Variants in OR4E2 observed in about 807,000 individuals in gnomAD.
OR4E2 encodes olfactory receptor 4E2.
OR4E2 carries 9 observed loss-of-function variants against 11.0 expected under a neutral mutation model. That is an observed-to-expected ratio of 0.82 (90% CI 0.49 to 1.43). The LOEUF is 1.43. OR4E2 is among the 40% of genes most tolerant of loss of function. The probability of loss-of-function intolerance (pLI) is 0.00; values close to 1 mark genes in which losing one functional copy is unlikely to be tolerated. For synonymous variants in OR4E2, 159 were observed against 147.3 expected, an observed-to-expected ratio of 1.08 and a Z score of -0.57; for missense variants, 441 against 382.0, an observed-to-expected ratio of 1.15 and a Z score of -1.29.
At position 21,665,320 on chromosome 14, in the gene OR4E2, A is replaced by C. The variant is rs1219628980; in HGVS notation, c.238A>C (p.Lys80Gln). 6.2e-7 allele frequency: 1 copy of C among 1,614,128 alleles called. No individual in the cohort carries two copies. Among genetic ancestry groups the C allele is most frequent in the South Asian group, 1.1e-5 (1 of 91,080 alleles). Reference protein sequence around the residue: ...DICHSSVTVPKMLEGLLLERK... With the variant: ...DICHSSVTVPQMLEGLLLERK... The stretch of plus-strand genomic sequence containing the variant: ...CTGCCACTCATCTGTCACTGTGCCT[A>C]AGATGTTGGAGGGTTTGCTTTTAGA... The change falls in exon 4 of 4, where the codon AAG becomes CAG. Residue 80 changes from lysine to glutamine, a missense_variant. Lys to Gln is a moderately conservative substitution (Grantham distance 53). Coordinates refer to ENST00000641524, the MANE Select transcript of OR4E2 (RefSeq NM_001001912.3).
intron 1 of OR4E2, among the ~76,000 whole-genome samples, chr14:21,654,427 CTGCATGCACACACA>C (rs942417388): frequency 4.1e-5 from 6 of 147,538 alleles, no homozygotes; most frequent in Non-Finnish European, 6.0e-5. Context: ...CACACACACG[CTGCATGCACACACA>C]TGCATGCACA....
intron 1 of OR4E2, among the ~76,000 whole-genome samples, 154 bp downstream of exon 1, chr14:21,654,093 T>C (rs1879794848): frequency 6.6e-6 from 1 of 152,178 alleles, no homozygotes; most frequent in African/African-American, 2.4e-5. Flanking sequence ...GGTTGATTGA[T>C]TTGATTTTAT....
intron 1 of OR4E2, 145 bp from the exon 2 acceptor site, chr14:21,656,357 C>T (rs561969921): frequency 6.6e-6 from 1 of 151,478 alleles, no homozygotes; most frequent in Admixed American, 6.6e-5. Context: ...GAGACTCTCT[C>T]TCTCTCTCAC....
chr14:21,654,231 T>C (rs1332528995), intron 1 of OR4E2, among the ~76,000 whole-genome samples: 2 of 152,138 alleles, frequency 1.3e-5, no homozygotes, highest in Admixed American at 1.3e-4. Context: ...AAAGCTTATC[T>C]CCTGAGAGTG....
chr14:21,657,468 C>A (rs1034303650), intron 2 of OR4E2, among the ~76,000 whole-genome samples: 1 of 103,298 alleles, frequency 9.7e-6, no homozygotes, highest in African/African-American at 3.9e-5. Context: ...TCCTTCCTTC[C>A]TTCCTTCCTT....
At chr14:21,656,107 T>C (rs1002422126) in intron 1 of OR4E2, among the ~76,000 whole-genome samples, 36 of 151,074 alleles carry the variant, frequency 2.4e-4, no homozygotes, top group African/African-American at 8.5e-4. Flanking sequence ...GCGAAGCCCC[T>C]GTCTCTACAA....
At chr14:21,664,411 A>C (rs1364777724) in intron 3 of OR4E2, among the ~76,000 whole-genome samples, 1 of 152,098 alleles carries the variant, frequency 6.6e-6, no homozygotes, top group East Asian at 1.9e-4. Context: ...GTGTCTGTTC[A>C]TGTTCTTTGC....
At chr14:21,662,616 A>AATTATTGAGAAAGTTTAACACGCTTT (rs1880394205) in intron 3 of OR4E2, among the ~76,000 whole-genome samples, 2 of 152,010 alleles carry the variant, frequency 1.3e-5, no homozygotes, top group Admixed American at 6.6e-5. Context: ...ATATATTTTA[A>AATTATTGAGAAAGTTTAACACGCTTT]ATTATTGAGA....
intron 2 of OR4E2, among the ~76,000 whole-genome samples, chr14:21,658,345 G>A (rs1880130862): frequency 6.6e-6 from 1 of 152,100 alleles, no homozygotes; most frequent in Non-Finnish European, 1.5e-5. Context: ...ATCAGTATAG[G>A]CAGTTCTCTT....
Position 21,665,211 on chromosome 14 carries a change from T to A in OR4E2, c.129T>A (p.Ile43=). ...AIYMLTLSGN[I]LIIIATVFTP... ...ATATGCTAACGCTTTCGGGGAACAT[T>A]CTCATCATCATTGCCACAGTCTTTA... is the stretch of plus-strand genomic sequence containing the variant. Residue 43 remains isoleucine (I), a synonymous_variant, in exon 4 of 4, where the codon ATT becomes ATA. Transcript: ENST00000641524. 7 of 1,613,984 alleles carry A rather than the reference T, an allele frequency of 4.3e-6. No homozygotes were observed. Among genetic ancestry groups the A allele is most frequent in the Non-Finnish European group, 5.9e-6 (7 of 1,179,904 alleles).
In OR4E2 at chr14:21,666,168, C is replaced by T; in HGVS notation, c.*144C>T. The T allele has an allele frequency of 1.7e-6, 1 of 595,732 alleles. No individual in the cohort carries two copies. The allele number at this position is 595,732 out of a possible 1,614,324, so 36.9% of individuals were successfully genotyped here. A position where few individuals can be genotyped will look rare whatever the true frequency, so the allele number is the denominator to read the frequency against. On this transcript the variant is annotated 3_prime_UTR_variant, in exon 4 of 4. Transcript: ENST00000641524. ...GATTTCTGCTCATTAAAGATAAGAA[C>T]TTATTCTGTTCATTAAAGATAAGAA...
chr14:21,666,730 T>C lies in OR4E2; in HGVS notation c.*706T>C, dbSNP rs1208641953. ...TTTTTTTTTTTTCCTAATTACTCTGTCGCCCAGGCTGGAGTGCAGTGGCGC... is the reference window on the plus strand; with the variant it reads ...TTTTTTTTTTTTCCTAATTACTCTGCCGCCCAGGCTGGAGTGCAGTGGCGC... On this transcript the variant is annotated 3_prime_UTR_variant, in exon 4 of 4. Coordinates refer to ENST00000641524, the MANE Select transcript of OR4E2 (RefSeq NM_001001912.3). 3 of 150,406 alleles carry C rather than the reference T, an allele frequency of 2.0e-5. No individual in the cohort carries two copies. Among genetic ancestry groups the C allele is most frequent in the African/African-American group, 7.4e-5 (3 of 40,796 alleles). The allele number at this position is 150,406 out of a possible 1,614,324, so 9.3% of individuals were successfully genotyped here. A position where few individuals can be genotyped will look rare whatever the true frequency, so the allele number is the denominator to read the frequency against.
rs905915984 is a variant in OR4E2, at chr14:21,666,187, A to T, written c.*163A>T. On this transcript the variant is annotated 3_prime_UTR_variant, in exon 4 of 4. Transcript: ENST00000641524. The stretch of plus-strand genomic sequence containing the variant: ...TAAGAACTTATTCTGTTCATTAAAG[A>T]TAAGAACTTATTAACTATTATTTAA... 3.8e-6 allele frequency: 2 copies of T among 532,742 alleles called. No individual in the cohort carries two copies. Among genetic ancestry groups the T allele is most frequent in the Admixed American group, 7.3e-5 (2 of 27,254 alleles). The allele number at this position is 532,742 out of a possible 1,614,324, so 33.0% of individuals were successfully genotyped here. A position where few individuals can be genotyped will look rare whatever the true frequency, so the allele number is the denominator to read the frequency against.
chr14:21,657,388 T>TCC (rs34614715), intron 2 of OR4E2, among the ~76,000 whole-genome samples: 7,196 of 128,332 alleles, frequency 0.056, 357 homozygotes, highest in Middle Eastern at 0.1. Context: ...CTTCCTTCCT[T>TCC]TCTTTCTTCC....
chr14:21,663,759 G>A (rs1258444376), intron 3 of OR4E2, among the ~76,000 whole-genome samples: 1 of 152,154 alleles, frequency 6.6e-6, no homozygotes, highest in Non-Finnish European at 1.5e-5. Flanking sequence ...TTACAGCACA[G>A]ATCGTCAGGT....
chr14:21,657,221 A>G (rs1879996271), intron 2 of OR4E2, among the ~76,000 whole-genome samples: 1 of 152,148 alleles, frequency 6.6e-6, no homozygotes. Context: ...GATTTGGAGG[A>G]CTACAGTTGA....
chr14:21,665,934 C>A lies in OR4E2; in HGVS notation c.852C>A (p.Pro284=), dbSNP rs1384276226. 4 of 1,613,706 alleles carry A rather than the reference C, an allele frequency of 2.5e-6. No individual in the cohort carries two copies. Among genetic ancestry groups the A allele is most frequent in the Admixed American group, 1.7e-5 (1 of 59,926 alleles). The change falls in exon 4 of 4, where the codon CCC becomes CCA. Residue 284 remains proline, a synonymous_variant. Coordinates refer to ENST00000641524, the MANE Select transcript of OR4E2 (RefSeq NM_001001912.3). ...CAGTGGTCACCCCTTTGCTGAATCC[C>A]TTCATTTACACCTTGAGGAATGAGG... is the stretch of plus-strand genomic sequence containing the variant. ...FYTVVTPLLN[P]FIYTLRNEEV...
intron 2 of OR4E2, among the ~76,000 whole-genome samples, chr14:21,659,440 T>C (rs1312550986): frequency 1.3e-5 from 2 of 152,208 alleles, no homozygotes. Context: ...ATATTTCCCT[T>C]CCTTCAGGGA....
chr14:21,661,392 T>TTCATTCCTTTGTC (rs1428390576), intron 3 of OR4E2, among the ~76,000 whole-genome samples: 9 of 152,368 alleles, frequency 5.9e-5, no homozygotes, highest in African/African-American at 1.9e-4. Flanking sequence ...CTTCCTTTGT[T>TTCATTCCTTTGTC]CATTCATTCC....
Sources: allele counts gnomAD v4.1 joint callset (sites outside exome capture counted in the v4.1 genomes callset), GRCh38; gene constraint gnomAD v4.1.1; transcripts MANE v1.5; gene names NCBI Gene and HGNC (gene_info 2026-07-23, HGNC 2026-07-21).